PHTF2: variants seen among roughly 807,000 people sequenced by gnomAD.
The protein encoded by PHTF2 is putative homeodomain transcription factor 2, also known as protein PHTF2.
In PHTF2, 60 loss-of-function variants were observed where a neutral mutation model predicts 101.2. That is an observed-to-expected ratio of 0.59 (90% confidence interval 0.48 to 0.73). The LOEUF (loss-of-function observed/expected upper bound fraction) is 0.73. Ranked by LOEUF, PHTF2 falls within the 30% of genes least tolerant of loss-of-function variation. The pLI is 0.00. For missense variants in PHTF2, 747 were observed against 908.7 expected (o/e 0.82, Z 2.29); for synonymous variants, 311 against 307.3 (o/e 1.01, Z -0.13).
exon 20 of PHTF2, chr7:77,955,695 C>A (rs181523613): frequency 6.6e-6 from 1 of 152,508 alleles, no homozygotes; most frequent in African/African-American, 2.4e-5. Context: ...ATATACTCAT[C>A]TCACAAGTGA....
chr7:77,814,543 T>C (rs1478884293), intron 1 of PHTF2, among the ~76,000 whole-genome samples: 2 of 150,710 alleles, frequency 1.3e-5, no homozygotes, highest in African/African-American at 4.9e-5. Context: ...GACAGAGTCT[T>C]ACTCTGTCGC....
At chr7:77,858,361 G>T (rs1396323647) in intron 3 of PHTF2, among the ~76,000 whole-genome samples, 1 of 152,142 alleles carries the variant, frequency 6.6e-6, no homozygotes, top group East Asian at 1.9e-4. Flanking sequence ...CTATGTGATA[G>T]TTGAGGGTTT....
intron 16 of PHTF2, among the ~76,000 whole-genome samples, chr7:77,943,277 C>T (rs762433708): frequency 6.6e-6 from 1 of 152,282 alleles, no homozygotes; most frequent in Admixed American, 6.5e-5. Flanking sequence ...CCCACCACCA[C>T]ACCCGGCTAA....
chr7:77,924,812 G>A lies in PHTF2; in HGVS notation c.1119+2034G>A, dbSNP rs150581325. ...AGATAATAAAACAGGCTGCTCTGGT[G>A]TTTGGCACCAAGGGAACTGGGGATG... On this transcript the variant is annotated intron_variant, in intron 11 of 19. Coordinates refer to ENST00000416283, the Ensembl canonical transcript of PHTF2. Among the ~76,000 whole-genome samples, 3 of 152,314 alleles carry A rather than the reference G, an allele frequency of 2.0e-5. No individual in the cohort carries two copies. In the East Asian group the frequency reaches 5.8e-4, roughly 29 times the overall value.
chr7:77,803,416 C>G (rs532312815), intron 1 of PHTF2, among the ~76,000 whole-genome samples: 1 of 152,022 alleles, frequency 6.6e-6, no homozygotes, highest in East Asian at 1.9e-4. Context: ...GTTACAGATA[C>G]CAGAAAATTT....
At chr7:77,876,635 G>A (rs1482543767) in intron 3 of PHTF2, among the ~76,000 whole-genome samples, 1 of 152,170 alleles carries the variant, frequency 6.6e-6, no homozygotes, top group African/African-American at 2.4e-5. Context: ...GCTTACATCT[G>A]TAATCGCAGC....
intron 1 of PHTF2, among the ~76,000 whole-genome samples, chr7:77,838,409 T>G (rs1012562955): frequency 4.6e-5 from 7 of 152,226 alleles, no homozygotes; most frequent in Non-Finnish European, 8.8e-5. Context: ...GATAATTGGA[T>G]AGCTATTTTT....
At chr7:77,814,355 T>G (rs1300484927) in intron 1 of PHTF2, among the ~76,000 whole-genome samples, 1 of 152,170 alleles carries the variant, frequency 6.6e-6, no homozygotes, top group Non-Finnish European at 1.5e-5. Context: ...TTATTTAATT[T>G]TATTGTTTAT....
intron 2 of PHTF2, among the ~76,000 whole-genome samples, chr7:77,853,336 T>G (rs1796914352): frequency 6.7e-6 from 1 of 148,952 alleles, no homozygotes; most frequent in Non-Finnish European, 1.5e-5. Context: ...GCTTGATCAG[T>G]TCTGCTGTTG....
intron 3 of PHTF2, among the ~76,000 whole-genome samples, chr7:77,887,692 A>G (rs1048805123): frequency 2.0e-5 from 3 of 152,242 alleles, no homozygotes; most frequent in Admixed American, 1.3e-4. Flanking sequence ...ATTGCCAGAC[A>G]TGTTACCAAA....
chr7:77,929,465 G>T (rs1804364414), intron 12 of PHTF2, 138 bp downstream of exon 11: 6 of 579,580 alleles, frequency 1.0e-5, no homozygotes, highest in Middle Eastern at 9.1e-4. Flanking sequence ...TGTGAGCTGT[G>T]GTCTGGCTTC....
intron 1 of PHTF2, among the ~76,000 whole-genome samples, chr7:77,828,614 CA>C (rs1433118945): frequency 6.6e-6 from 1 of 151,974 alleles, no homozygotes; most frequent in Admixed American, 6.6e-5. Context: ...AGTTCAAGAC[CA>C]GCTTGGCCAA....
At chr7:77,945,748 T>C (rs946393408) in intron 16 of PHTF2, among the ~76,000 whole-genome samples, 2 of 152,170 alleles carry the variant, frequency 1.3e-5, no homozygotes, top group Non-Finnish European at 2.9e-5. Context: ...TTTATAGAAA[T>C]GCATAATCTA....
At position 77,915,149 on chromosome 7, in the gene PHTF2, TC is replaced by T. The variant is rs1273615609; in HGVS notation, c.776+4742del. On this transcript the variant is annotated intron_variant, in intron 9 of 19. Coordinates refer to ENST00000416283, the Ensembl canonical transcript of PHTF2. ...ATGGTCTTGATCCTTGACTTCGTGA[TC>T]CTCCTGCTTTGGCCTCCCAAAGTGC... 2.0e-5 allele frequency among the ~76,000 whole-genome samples: 3 copies of T among 152,188 alleles called. No homozygotes were observed. The East Asian group carries it at 5.8e-4, about 29-fold the overall frequency.
chr7:77,932,761 C>A lies in PHTF2; in HGVS notation c.1338+3434C>A, dbSNP rs1214694488. ...ATTTGTAGTTGCCTATTCTACACAGCTATGTGATGTTTTCTGGAATGTAGT... is the reference window on the plus strand; with the variant it reads ...ATTTGTAGTTGCCTATTCTACACAGATATGTGATGTTTTCTGGAATGTAGT... On this transcript the variant is annotated intron_variant, in intron 12 of 19. Coordinates refer to ENST00000416283, the Ensembl canonical transcript of PHTF2. Among the ~76,000 whole-genome samples, 57 of 151,842 alleles carry A rather than the reference C, an allele frequency of 3.8e-4. 2 individuals carry two copies. Among genetic ancestry groups the A allele is most frequent in the Non-Finnish European group, 7.4e-5 (5 of 68,002 alleles).
At chr7:77,938,175 A>C (rs1293685329) in intron 13 of PHTF2, among the ~76,000 whole-genome samples, 1 of 152,148 alleles carries the variant, frequency 6.6e-6, no homozygotes, top group East Asian at 1.9e-4. Flanking sequence ...TTGTTGTTAC[A>C]AGAACTTTAA....
intron 1 of PHTF2, among the ~76,000 whole-genome samples, chr7:77,818,521 A>C (rs1244383656): frequency 6.6e-6 from 1 of 152,236 alleles, no homozygotes; most frequent in Non-Finnish European, 1.5e-5. Context: ...TCCTTTCCTC[A>C]ATGAGTGTTC....
intron 7 of PHTF2, among the ~76,000 whole-genome samples, chr7:77,907,639 C>G (rs1801991926): frequency 6.6e-6 from 1 of 152,134 alleles, no homozygotes; most frequent in Non-Finnish European, 1.5e-5. Context: ...ATTACATGGT[C>G]ACCCTAAACA....
At position 77,923,476 on chromosome 7, in the gene PHTF2, G is replaced by A. The variant is rs573574205; in HGVS notation, c.1119+698G>A. 4.2e-4 allele frequency: 411 copies of A among 985,226 alleles called. 1 individual carries two copies. The highest frequency in any genetic ancestry group is 1.6e-3 in the Middle Eastern group (3 of 1,914). The allele number at this position is 985,226 out of a possible 1,614,324, so 61.0% of individuals were successfully genotyped here. On this transcript the variant is annotated intron_variant, in intron 11 of 19. Transcript: ENST00000416283. ...TTGTAAAACAAACACATGTTACGCT[G>A]TGCTGGAATATGATTGCCTTCAGAG...
Sources: gnomAD v4.1 joint callset for allele counts (sites outside exome capture counted in the v4.1 genomes callset) on GRCh38, gnomAD v4.1.1 for gene constraint, MANE v1.5 for transcripts, NCBI Gene and HGNC (gene_info 2026-07-23, HGNC 2026-07-21) for gene names.